Variants in SPACA7 observed in about 807,000 individuals in gnomAD.
SPACA7 encodes sperm acrosome-associated protein 7.
In SPACA7, 19 loss-of-function variants were observed where a neutral mutation model predicts 26.3. The observed-to-expected ratio is 0.72, with a 90% CI of 0.50 to 1.06. The LOEUF (loss-of-function observed/expected upper bound fraction) is 1.06. Among genes scored for constraint, SPACA7 ranks in the 50% least tolerant of loss-of-function variants. The pLI is 0.00. For synonymous variants in SPACA7, 84 were observed against 84.5 expected, an observed-to-expected ratio of 0.99 and a Z score of 0.04; for missense variants, 211 against 229.9, an observed-to-expected ratio of 0.92 and a Z score of 0.53.
chr13:112,405,557 C>G (rs1405563044), intron 5 of SPACA7, among the ~76,000 whole-genome samples: 1 of 152,088 alleles, frequency 6.6e-6, no homozygotes, highest in African/African-American at 2.4e-5. Context: ...TTTTACTTTA[C>G]AAAATTTGCT....
intron 5 of SPACA7, among the ~76,000 whole-genome samples, chr13:112,422,232 G>C (rs922850689): frequency 6.6e-6 from 1 of 152,102 alleles, no homozygotes; most frequent in African/African-American, 2.4e-5. Context: ...AGTTTCTTAG[G>C]AAGACACACA....
chr13:112,415,296 AGC>A (rs1271052195), intron 5 of SPACA7, among the ~76,000 whole-genome samples: 1 of 152,220 alleles, frequency 6.6e-6, no homozygotes, highest in Non-Finnish European at 1.5e-5. Flanking sequence ...TGCCCAGACA[AGC>A]ACAGTACCAG....
At chr13:112,378,588 C>A in intron 1 of SPACA7, 1 of 434,734 alleles carries the variant, frequency 2.3e-6, no homozygotes. Context: ...AAAAACTCAC[C>A]ATCAGACTTC....
intron 5 of SPACA7, among the ~76,000 whole-genome samples, chr13:112,405,883 C>A (rs1198555943): frequency 6.6e-6 from 1 of 152,012 alleles, no homozygotes; most frequent in African/African-American, 2.4e-5. Flanking sequence ...GTTGTGAATT[C>A]CAACTTTTAG....
At chr13:112,401,041 C>G (rs770906441) in intron 4 of SPACA7, 28 bp from the exon 5 acceptor site, 1 of 1,560,420 alleles carries the variant, frequency 6.4e-7, no homozygotes, top group South Asian at 1.1e-5. Context: ...GGACATTTTC[C>G]CCATTTTTTC....
intron 1 of SPACA7, among the ~76,000 whole-genome samples, chr13:112,391,121 TCA>T (rs1434760503): frequency 2.0e-5 from 3 of 152,206 alleles, no homozygotes; most frequent in Admixed American, 1.3e-4. Context: ...AGCATTCAGG[TCA>T]CAGTTGTGTA....
intron 1 of SPACA7, among the ~76,000 whole-genome samples, chr13:112,392,493 CAG>C (rs752880480): frequency 4.6e-5 from 7 of 152,178 alleles, no homozygotes; most frequent in Non-Finnish European, 5.9e-5. Context: ...CCTCCTAAAA[CAG>C]AGCCATGAAG....
chr13:112,408,786 T>C (rs1886157985), intron 5 of SPACA7, among the ~76,000 whole-genome samples: 1 of 152,142 alleles, frequency 6.6e-6, no homozygotes, highest in African/African-American at 2.4e-5. Context: ...ATGGCCATAC[T>C]GCCCAAGGTA....
intron 5 of SPACA7, among the ~76,000 whole-genome samples, chr13:112,430,081 G>A (rs1876918848): frequency 6.6e-6 from 1 of 152,078 alleles, no homozygotes; most frequent in Non-Finnish European, 1.5e-5. Context: ...GTTCAGTTGT[G>A]TGGTCCTTTT....
At position 112,386,435 on chromosome 13, in the gene SPACA7, G is replaced by A. The variant is rs77328743; in HGVS notation, c.95-6586G>A. Among the ~76,000 whole-genome samples, 167 of 152,228 alleles carry A rather than the reference G, an allele frequency of 1.1e-3. 1 individual carries two copies. The highest frequency in any genetic ancestry group is 3.9e-3 in the African/African-American group (161 of 41,538). Reference sequence around the variant, plus strand: ...AGAACATAGCCTTTTATTTTGAGAGGGATTTATCCACTTTTAATTCCTGGG... The same window carrying A: ...AGAACATAGCCTTTTATTTTGAGAGAGATTTATCCACTTTTAATTCCTGGG... On this transcript the variant is annotated intron_variant, in intron 1 of 6. Coordinates refer to ENST00000283550, the MANE Select transcript of SPACA7 (RefSeq NM_145248.5).
intron 5 of SPACA7, among the ~76,000 whole-genome samples, chr13:112,420,817 G>T (rs1875879783): frequency 6.6e-6 from 1 of 151,904 alleles, no homozygotes; most frequent in Admixed American, 6.6e-5. Context: ...TATATTGAAG[G>T]CAGCTAGAAG....
chr13:112,421,394 T>C (rs1338359914), intron 5 of SPACA7, among the ~76,000 whole-genome samples: 1 of 152,066 alleles, frequency 6.6e-6, no homozygotes, highest in Non-Finnish European at 1.5e-5. Flanking sequence ...ACTAAAAATA[T>C]TTAAGGTGTG....
At chr13:112,378,861 C>T (rs376878516) in intron 1 of SPACA7, 10 of 408,600 alleles carry the variant, frequency 2.4e-5, no homozygotes, top group African/African-American at 1.2e-4. Context: ...TGTTTCCAAT[C>T]GTGTCCTGTT....
intron 5 of SPACA7, among the ~76,000 whole-genome samples, chr13:112,429,145 G>A (rs1424269890): frequency 6.6e-6 from 1 of 152,170 alleles, no homozygotes; most frequent in Non-Finnish European, 1.5e-5. Context: ...GGGAGTCTGA[G>A]GCAACAGGAT....
intron 6 of SPACA7, among the ~76,000 whole-genome samples, chr13:112,433,703 A>T (rs375076136): frequency 0.016 from 2,221 of 139,654 alleles, 4 homozygotes; most frequent in African/African-American, 0.044. Flanking sequence ...CAGCCCCCCA[A>T]GTTCAGACTT....
At chr13:112,379,542 A>C (rs149032197) in intron 1 of SPACA7, among the ~76,000 whole-genome samples, 1 of 152,246 alleles carries the variant, frequency 6.6e-6, no homozygotes, top group East Asian at 1.9e-4. Context: ...ACCAGGACAT[A>C]TCATGGACAG....
chr13:112,386,886 A>G (rs911201090), intron 1 of SPACA7, among the ~76,000 whole-genome samples: 2 of 152,206 alleles, frequency 1.3e-5, no homozygotes, highest in African/African-American at 4.8e-5. Context: ...TTTCAAAAAC[A>G]TGGTAAGAAG....
intron 4 of SPACA7, among the ~76,000 whole-genome samples, chr13:112,400,001 A>C (rs1018146819): frequency 2.6e-5 from 4 of 152,158 alleles, no homozygotes; most frequent in African/African-American, 9.7e-5. Flanking sequence ...CTCTGCCCCC[A>C]TGATCCAATC....
At chr13:112,379,546 TG>T (rs1883910909) in intron 1 of SPACA7, among the ~76,000 whole-genome samples, 1 of 152,204 alleles carries the variant, frequency 6.6e-6, no homozygotes, top group Admixed American at 6.5e-5. Context: ...GGACATATCA[TG>T]GACAGTAAGG....
Sources: allele counts gnomAD v4.1 joint callset (sites outside exome capture counted in the v4.1 genomes callset), GRCh38; gene constraint gnomAD v4.1.1; transcripts MANE v1.5; gene names NCBI Gene and HGNC (gene_info 2026-07-23, HGNC 2026-07-21).